Variants in ULK4 observed in about 807,000 individuals in gnomAD.
The protein encoded by ULK4 is inactive serine/threonine-protein kinase ULK4.
A neutral mutation model predicts 160.6 loss-of-function variants in ULK4; 133 were observed. That is an observed-to-expected ratio of 0.83 (90% CI 0.72 to 0.96). The LOEUF (loss-of-function observed/expected upper bound fraction) is 0.96. ULK4 is among the 40% of genes least tolerant of loss of function. ULK4 has a pLI of 0.00. For missense variants in ULK4, 1,580 were observed against 1,499.5 expected (o/e 1.05, Z -0.89); for synonymous variants, 534 against 539.8 (o/e 0.99, Z 0.15).
intron 2 of ULK4, among the ~76,000 whole-genome samples, chr3:41,951,912 C>A (rs753590900): frequency 6.6e-6 from 1 of 152,188 alleles, no homozygotes; most frequent in Non-Finnish European, 1.5e-5. Flanking sequence ...ACCAAAACTG[C>A]TGGCACCTTA....
chr3:41,650,893 T>A lies in ULK4; in HGVS notation c.3071+12714A>T, dbSNP rs541366090. 4.6e-5 allele frequency among the ~76,000 whole-genome samples: 7 copies of A among 152,306 alleles called. No homozygotes were observed. The East Asian group carries it at 1.3e-3, about 29-fold the overall frequency. On this transcript the variant is annotated intron_variant, in intron 30 of 36. Coordinates refer to ENST00000301831, the MANE Select transcript of ULK4 (RefSeq NM_017886.4). ...TTATCAGCCCCCTGCACTAGATTGTTCTCATTAACATAGAGACAACACTAA... is the reference window on the plus strand; with the variant it reads ...TTATCAGCCCCCTGCACTAGATTGTACTCATTAACATAGAGACAACACTAA...
At chr3:41,593,849 G>A (rs1246487400) in intron 31 of ULK4, among the ~76,000 whole-genome samples, 2 of 151,324 alleles carry the variant, frequency 1.3e-5, no homozygotes, top group Admixed American at 6.6e-5. Flanking sequence ...TGGGCAACAC[G>A]GTGAAACCCT....
At chr3:41,773,312 C>A (rs1451410283) in intron 21 of ULK4, among the ~76,000 whole-genome samples, 2 of 152,158 alleles carry the variant, frequency 1.3e-5, no homozygotes, top group Non-Finnish European at 2.9e-5. Flanking sequence ...GACTGTATAT[C>A]TAGAAAACCC....
At chr3:41,823,976 A>G (rs1575771640) in intron 18 of ULK4, among the ~76,000 whole-genome samples, 2 of 152,150 alleles carry the variant, frequency 1.3e-5, no homozygotes, top group East Asian at 1.9e-4. Flanking sequence ...CAGTCTGGCC[A>G]ATGTGGCGAA....
At chr3:41,339,812 T>G (rs1021797822) in intron 35 of ULK4, among the ~76,000 whole-genome samples, 6 of 152,210 alleles carry the variant, frequency 3.9e-5, no homozygotes, top group African/African-American at 1.4e-4. Flanking sequence ...TTTAATCATA[T>G]TCATAGCCCA....
chr3:41,826,012 C>A (rs2041334552), intron 18 of ULK4, among the ~76,000 whole-genome samples: 1 of 152,214 alleles, frequency 6.6e-6, no homozygotes, highest in African/African-American at 2.4e-5. Context: ...ATTCAACATT[C>A]TTAAAGAAAA....
At chr3:41,490,419 T>G (rs1795316) in intron 32 of ULK4, among the ~76,000 whole-genome samples, 67,764 of 151,956 alleles carry the variant, frequency 0.45, 15,948 homozygotes, top group Admixed American at 0.52. Context: ...CCTGCCTCTG[T>G]GCTCTGTTCC....
intron 17 of ULK4, among the ~76,000 whole-genome samples, chr3:41,875,654 A>T (rs75919335): frequency 0.013 from 1,905 of 152,286 alleles, 37 homozygotes; most frequent in African/African-American, 0.041. Context: ...GTTGAAAATA[A>T]AGAGAAAATG....
intron 20 of ULK4, among the ~76,000 whole-genome samples, chr3:41,797,149 C>T (rs1017435896): frequency 1.3e-5 from 2 of 151,058 alleles, no homozygotes; most frequent in African/African-American, 4.9e-5. Flanking sequence ...CTTATATATA[C>T]AAGGCCATCA....
rs1700075581 is a variant in ULK4 at position 41,945,121 on chromosome 3, T to G, written c.139-6924A>C. On this transcript the variant is annotated intron_variant, in intron 2 of 36. Coordinates refer to ENST00000301831, the MANE Select transcript of ULK4 (RefSeq NM_017886.4). ...GCCGCCAGAGGAGCACTGGCCCCTG[T>G]CTCCATCAGAACATTAAGGAATCAA... 2.6e-5 allele frequency among the ~76,000 whole-genome samples: 4 copies of G among 152,274 alleles called. No individual in the cohort carries two copies. In the East Asian group the frequency reaches 7.7e-4, roughly 29 times the overall value.
chr3:41,269,887 G>A (rs1378596044), intron 35 of ULK4, among the ~76,000 whole-genome samples: 4 of 152,116 alleles, frequency 2.6e-5, no homozygotes, highest in Non-Finnish European at 5.9e-5. Context: ...TCATCTTTTT[G>A]CTACCCTTGG....
At chr3:41,705,847 T>C (rs1176155081) in intron 25 of ULK4, among the ~76,000 whole-genome samples, 1 of 152,156 alleles carries the variant, frequency 6.6e-6, no homozygotes, top group Non-Finnish European at 1.5e-5. Flanking sequence ...AAAGTGAGAA[T>C]AATATAACTG....
rs771546591 is a variant in ULK4 at position 41,398,105 on chromosome 3, G to A, written c.3652C>T (p.Leu1218Phe). The A allele has an allele frequency of 6.8e-6, 11 of 1,612,882 alleles. No individual in the cohort carries two copies. The Admixed American group carries it at 1.5e-4, about 22-fold the overall frequency. The change falls in exon 35 of 37, where the codon CTT (leucine) becomes TTT (phenylalanine). Residue 1218 changes from leucine (L) to phenylalanine (F), a missense_variant. Coordinates refer to ENST00000301831, the MANE Select transcript of ULK4 (RefSeq NM_017886.4). ...TSKEDPKEQK[L>F]LLRILRRMIT... Reference sequence around the variant, plus strand: ...ATTCTTCTGAGAATCCTTAACAGAAGCTTCTGCTCCTTTGGGTCCTCCTTG... The same window carrying A: ...ATTCTTCTGAGAATCCTTAACAGAAACTTCTGCTCCTTTGGGTCCTCCTTG...
At chr3:41,643,425 C>G (rs185511096) in intron 30 of ULK4, among the ~76,000 whole-genome samples, 3 of 152,290 alleles carry the variant, frequency 2.0e-5, no homozygotes, top group East Asian at 3.9e-4. Flanking sequence ...GCCAGTTTTC[C>G]CAGCACCATT....
chr3:41,886,996 A>C (rs541836275), intron 16 of ULK4, among the ~76,000 whole-genome samples: 1 of 152,352 alleles, frequency 6.6e-6, no homozygotes, highest in African/African-American at 2.4e-5. Context: ...TCATCAATAC[A>C]TTCACACATT....
rs201381514 is a variant in ULK4, at chr3:41,814,908, CT to C, written c.1848+4514del. On this transcript the variant is annotated intron_variant, in intron 19 of 36. Transcript: ENST00000301831. ...ATACTGTTTATTTTCTAATTCTGTC[CT>C]TTTTTTTTTTTTTTTTTGAGATGGA... Among the ~76,000 whole-genome samples, 479 of 127,428 alleles carry C rather than the reference CT, an allele frequency of 3.8e-3. 2 individuals carry two copies. Among genetic ancestry groups the C allele is most frequent in the South Asian group, 0.019 (78 of 4,102 alleles). 83.6% of individuals were successfully genotyped at this position (127,428 alleles called of 152,430 possible).
At chr3:41,916,098 C>T in intron 7 of ULK4, 46 bp from the exon 8 acceptor site, 4 of 1,251,376 alleles carry the variant, frequency 3.2e-6, no homozygotes, top group Non-Finnish European at 4.5e-6. Context: ...GTAGTAAATA[C>T]ATATCAATTT....
At chr3:41,517,485 C>T (rs1379480858) in intron 32 of ULK4, among the ~76,000 whole-genome samples, 2 of 152,154 alleles carry the variant, frequency 1.3e-5, no homozygotes, top group Non-Finnish European at 2.9e-5. Context: ...AAGCAGAGAG[C>T]AGCCCTCACC....
At position 41,907,876 on chromosome 3, in the gene ULK4, CAGTG is replaced by C; in HGVS notation, c.1147_1150del (p.His383ValfsTer9). 1 of 1,601,704 alleles carries C rather than the reference CAGTG, an allele frequency of 6.2e-7. No homozygotes were observed. The highest frequency in any genetic ancestry group is 8.5e-7 in the Non-Finnish European group (1 of 1,174,842). On this transcript the variant is annotated frameshift_variant, in exon 12 of 37. Coordinates refer to ENST00000301831, the MANE Select transcript of ULK4 (RefSeq NM_017886.4). LOFTEE classifies it high-confidence loss of function. ...CAGAGGAGAAGTCTTCTGTGGTGAA[CAGTG>C]AGTCATATCCTCACCAGGACTTACT...
Sources: allele counts gnomAD v4.1 joint callset (sites outside exome capture counted in the v4.1 genomes callset), GRCh38; gene constraint gnomAD v4.1.1; transcripts MANE v1.5; gene names NCBI Gene and HGNC (gene_info 2026-07-23, HGNC 2026-07-21).